The following ARHGAP22 variants were observed in gnomAD, a reference collection of about 807,000 sequenced individuals.
The protein encoded by ARHGAP22 is Rho GTPase activating protein 22, also known as rho GTPase-activating protein 22.
A neutral mutation model predicts 59.1 loss-of-function variants in ARHGAP22; 48 were observed. That is an observed-to-expected ratio of 0.81 (90% CI 0.64 to 1.03). ARHGAP22 has a LOEUF of 1.03. Ranked by LOEUF, ARHGAP22 falls within the 50% of genes least tolerant of loss-of-function variation. ARHGAP22 has a pLI of 0.00. For synonymous variants in ARHGAP22, 445 were observed against 416.4 expected, an observed-to-expected ratio of 1.07 and a Z score of -0.84; for missense variants, 1,015 against 958.7, an observed-to-expected ratio of 1.06 and a Z score of -0.78.
chr10:48,553,101 C>T (rs11101380), intron 3 of ARHGAP22, among the ~76,000 whole-genome samples: 11,966 of 152,310 alleles, frequency 0.079, 1,093 homozygotes, highest in East Asian at 0.46. Flanking sequence ...ATCCTAAATC[C>T]GGAGCCCCCA....
intron 3 of ARHGAP22, among the ~76,000 whole-genome samples, chr10:48,538,282 C>G (rs542647218): frequency 6.6e-6 from 1 of 152,168 alleles, no homozygotes; most frequent in African/African-American, 2.4e-5. Flanking sequence ...TCCTGTCTGT[C>G]CTCTCCTCTG....
At chr10:48,562,950 A>AT (rs1489072151) in intron 2 of ARHGAP22, among the ~76,000 whole-genome samples, 8 of 152,308 alleles carry the variant, frequency 5.3e-5, no homozygotes, top group African/African-American at 1.7e-4. Flanking sequence ...AGAATTCTGC[A>AT]ATGGGCCTTA....
chr10:48,436,626 T>C, the ARHGAP22 span: 3 of 152,266 alleles, frequency 2.0e-5, no homozygotes, highest in Non-Finnish European at 4.4e-5. Context: ...GAAAATTTGC[T>C]TGGCATTTTA....
chr10:48,648,992 A>G (rs1728230707), intron 1 of ARHGAP22, among the ~76,000 whole-genome samples: 1 of 152,204 alleles, frequency 6.6e-6, no homozygotes, highest in Non-Finnish European at 1.5e-5. Flanking sequence ...GGTGGGAAGA[A>G]GAAGAGCAAT....
intron 1 of ARHGAP22, among the ~76,000 whole-genome samples, chr10:48,603,861 G>A (rs1564983450): frequency 6.6e-6 from 1 of 152,164 alleles, no homozygotes; most frequent in Non-Finnish European, 1.5e-5. Context: ...GAGGCTGGAG[G>A]CCCCCCGCTG....
intron 1 of ARHGAP22, among the ~76,000 whole-genome samples, chr10:48,597,152 C>A (rs186477340): frequency 1.3e-5 from 2 of 152,250 alleles, no homozygotes; most frequent in East Asian, 1.9e-4. Flanking sequence ...TGGACATGCA[C>A]CTCTCCTTCA....
chr10:48,647,620 A>C (rs2062364201), intron 1 of ARHGAP22, among the ~76,000 whole-genome samples: 1 of 152,186 alleles, frequency 6.6e-6, no homozygotes, highest in South Asian at 2.1e-4. Flanking sequence ...GGGAATGTAA[A>C]ATGGTACAGA....
At chr10:48,587,008 C>T (rs1335720792) in intron 1 of ARHGAP22, among the ~76,000 whole-genome samples, 3 of 152,200 alleles carry the variant, frequency 2.0e-5, no homozygotes, top group East Asian at 1.9e-4. Flanking sequence ...CACCCTATCC[C>T]GCATCTGTGC....
chr10:48,477,860 G>C (rs1319210965), intron 4 of ARHGAP22, among the ~76,000 whole-genome samples: 1 of 152,146 alleles, frequency 6.6e-6, no homozygotes, highest in African/African-American at 2.4e-5. Flanking sequence ...TAGGAGTTTG[G>C]GGAGTGAGTA....
chr10:48,636,855 T>C (rs2061840281), intron 1 of ARHGAP22, among the ~76,000 whole-genome samples: 1 of 151,918 alleles, frequency 6.6e-6, no homozygotes, highest in Non-Finnish European at 1.5e-5. Flanking sequence ...GGACAAAGGG[T>C]TCAGGAAGCA....
intron 4 of ARHGAP22, among the ~76,000 whole-genome samples, chr10:48,464,363 C>T (rs775091461): frequency 6.6e-6 from 1 of 152,234 alleles, no homozygotes; most frequent in Non-Finnish European, 1.5e-5. Context: ...TCTGCTCCCC[C>T]ATGGCGCCTT....
chr10:48,618,462 C>T (rs376995984), intron 1 of ARHGAP22, among the ~76,000 whole-genome samples: 75 of 152,046 alleles, frequency 4.9e-4, no homozygotes, highest in African/African-American at 1.7e-3. Context: ...TACTAGCAAA[C>T]CGAATCCAGC....
chr10:48,478,505 G>A (rs572280048), intron 4 of ARHGAP22, among the ~76,000 whole-genome samples: 2 of 152,192 alleles, frequency 1.3e-5, no homozygotes, highest in Non-Finnish European at 2.9e-5. Flanking sequence ...GCCCCAAAAG[G>A]TGAGTCCCTG....
chr10:48,577,963 C>T (rs2058855418), intron 2 of ARHGAP22, among the ~76,000 whole-genome samples: 1 of 151,914 alleles, frequency 6.6e-6, no homozygotes, highest in African/African-American at 2.4e-5. Flanking sequence ...CATGTGCCAG[C>T]ACACCCGGCT....
chr10:48,555,355 G>C, intron 3 of ARHGAP22, 108 bp downstream of exon 3: 1 of 1,082,374 alleles, frequency 9.2e-7, no homozygotes, highest in Admixed American at 1.8e-5. Flanking sequence ...CCTGGAGACT[G>C]TGCTGTGGCT....
intron 1 of ARHGAP22, among the ~76,000 whole-genome samples, chr10:48,598,025 A>G (rs1473509773): frequency 6.6e-6 from 1 of 152,162 alleles, no homozygotes; most frequent in Non-Finnish European, 1.5e-5. Context: ...TTCAAACAAT[A>G]AGGTCATGGC....
chr10:48,473,298 A>G (rs2048394758), intron 4 of ARHGAP22, among the ~76,000 whole-genome samples: 1 of 151,952 alleles, frequency 6.6e-6, no homozygotes, highest in African/African-American at 2.4e-5. Flanking sequence ...TCAAATTTAT[A>G]AAGACAGAAA....
intron 2 of ARHGAP22, among the ~76,000 whole-genome samples, chr10:48,557,800 T>G (rs2057403935): frequency 6.6e-6 from 1 of 152,188 alleles, no homozygotes; most frequent in South Asian, 2.1e-4. Flanking sequence ...CAGATTCCTC[T>G]GCCTCCCACA....
chr10:48,595,520 TTTTA>T (rs1225796441), intron 1 of ARHGAP22, among the ~76,000 whole-genome samples: 3 of 152,068 alleles, frequency 2.0e-5, no homozygotes, highest in Non-Finnish European at 2.9e-5. Context: ...ATGTGTATAG[TTTTA>T]TTTGTTTATT....
Sources: allele counts gnomAD v4.1 joint callset (sites outside exome capture counted in the v4.1 genomes callset), GRCh38; gene constraint gnomAD v4.1.1; transcripts MANE v1.5; gene names NCBI Gene and HGNC (gene_info 2026-07-23, HGNC 2026-07-21).